Variants in CA10 observed in about 807,000 individuals in gnomAD.
The protein encoded by CA10 is carbonic anhydrase-related protein 10.
In CA10, 14 loss-of-function variants were observed where a neutral mutation model predicts 44.2. That is an observed-to-expected ratio of 0.32 (90% CI 0.21 to 0.50). The LOEUF is 0.50. CA10 is among the 20% of genes least tolerant of loss of function. CA10 has a pLI of 0.99. For missense variants in CA10, 350 were observed against 409.7 expected, an observed-to-expected ratio of 0.85 and a Z score of 1.26; for synonymous variants, 159 against 141.6, an observed-to-expected ratio of 1.12 and a Z score of -0.87.
At chr17:51,887,845 A>ATT (rs1980680520) in intron 3 of CA10, among the ~76,000 whole-genome samples, 4 of 117,906 alleles carry the variant, frequency 3.4e-5, no homozygotes, top group African/African-American at 1.6e-4. Context: ...TAAAAATACA[A>ATT]AAAAAAAAAG....
intron 4 of CA10, among the ~76,000 whole-genome samples, chr17:51,728,892 G>C (rs1598013028): frequency 6.6e-6 from 1 of 152,130 alleles, no homozygotes; most frequent in South Asian, 2.1e-4. Context: ...TTTGAGCAGA[G>C]AATCAAAACT....
At chr17:51,929,224 A>AT (rs35856839) in intron 3 of CA10, among the ~76,000 whole-genome samples, 102,756 of 151,946 alleles carry the variant, frequency 0.68, 35,102 homozygotes, top group Non-Finnish European at 0.71. Flanking sequence ...CTGTGTTGAC[A>AT]TTTTTTTCTT....
At chr17:51,718,508 A>C (rs1197609215) in intron 4 of CA10, among the ~76,000 whole-genome samples, 1 of 152,096 alleles carries the variant, frequency 6.6e-6, no homozygotes, top group Non-Finnish European at 1.5e-5. Context: ...ACCCTTCCCC[A>C]TACCTTGCCC....
At chr17:51,793,288 G>A (rs1387035736) in intron 3 of CA10, among the ~76,000 whole-genome samples, 1 of 152,084 alleles carries the variant, frequency 6.6e-6, no homozygotes, top group Non-Finnish European at 1.5e-5. Context: ...ATGGCCATTG[G>A]GGGAAAAAAT....
intron 3 of CA10, among the ~76,000 whole-genome samples, chr17:51,845,934 A>G (rs1031287526): frequency 6.6e-6 from 1 of 152,244 alleles, no homozygotes; most frequent in Non-Finnish European, 1.5e-5. Flanking sequence ...TAACATTGGC[A>G]TTCTACCCAG....
intron 4 of CA10, among the ~76,000 whole-genome samples, chr17:51,705,968 G>T (rs1411882311): frequency 6.6e-6 from 1 of 152,188 alleles, no homozygotes; most frequent in Non-Finnish European, 1.5e-5. Flanking sequence ...ATCCATAATT[G>T]TTCCTGAGTG....
At position 51,808,259 on chromosome 17, in the gene CA10, T is replaced by TA. The variant is rs144949027; in HGVS notation, c.280-60442dup. On this transcript the variant is annotated intron_variant, in intron 3 of 8. Coordinates refer to ENST00000451037, the MANE Select transcript of CA10 (RefSeq NM_020178.5). ...GTTAATTACAGTCATCAAGATTTTG[T>TA]ATTGCAATAAATGTTTATCTAATGG... is the stretch of plus-strand genomic sequence containing the variant. 1.0e-2 allele frequency among the ~76,000 whole-genome samples: 1,519 copies of TA among 152,342 alleles called. 11 individuals are homozygous for TA. Among genetic ancestry groups the TA allele is most frequent in the Non-Finnish European group, 0.015 (994 of 68,044 alleles).
intron 3 of CA10, among the ~76,000 whole-genome samples, chr17:51,901,274 T>C (rs1487949641): frequency 6.6e-6 from 1 of 152,130 alleles, no homozygotes; most frequent in Admixed American, 6.5e-5. Context: ...TGGAATATTT[T>C]AGGGGGCAAA....
intron 4 of CA10, among the ~76,000 whole-genome samples, chr17:51,654,554 CCTAATTTTTTTTTT>C (rs1913713701): frequency 7.6e-6 from 1 of 130,860 alleles, no homozygotes; most frequent in African/African-American, 2.6e-5. Context: ...AGTATGGAAG[CCTAATTTTTTTTTT>C]TTTTTTAAGT....
At chr17:51,652,965 TTC>T (rs1253038047) in intron 5 of CA10, among the ~76,000 whole-genome samples, 1 of 152,188 alleles carries the variant, frequency 6.6e-6, no homozygotes, top group East Asian at 1.9e-4. Flanking sequence ...GCATACCTGC[TTC>T]TCTCTACATC....
intron 3 of CA10, among the ~76,000 whole-genome samples, chr17:51,868,733 A>G (rs1979665530): frequency 6.6e-6 from 1 of 152,076 alleles, no homozygotes; most frequent in Admixed American, 6.6e-5. Flanking sequence ...TCCTTTACAA[A>G]TAACACTTAT....
At chr17:51,737,876 A>G (rs1916964458) in intron 4 of CA10, among the ~76,000 whole-genome samples, 1 of 152,150 alleles carries the variant, frequency 6.6e-6, no homozygotes, top group South Asian at 2.1e-4. Context: ...TACTGCAGAG[A>G]TGGGGATAGA....
At chr17:51,640,245 C>A (rs1276902873) in intron 6 of CA10, among the ~76,000 whole-genome samples, 1 of 152,174 alleles carries the variant, frequency 6.6e-6, no homozygotes, top group Non-Finnish European at 1.5e-5. Flanking sequence ...CTCAGCAGCT[C>A]TACCTGCTGG....
In CA10 at chr17:51,973,918, T is replaced by C. The variant is rs1460820961; in HGVS notation, c.137-42786A>G. On this transcript the variant is annotated intron_variant, in intron 2 of 8. Coordinates refer to ENST00000451037, the MANE Select transcript of CA10 (RefSeq NM_020178.5). ...ACAGATGTGGATAAGACTGATGCTG[T>C]AATTAGCAGATAAAGATTATAAAAG... Among the ~76,000 whole-genome samples, 6 of 152,194 alleles carry C rather than the reference T, an allele frequency of 3.9e-5. No homozygotes were observed. The South Asian group carries it at 1.2e-3, about 32-fold the overall frequency.
At chr17:51,747,460 G>A (rs1022335311) in intron 4 of CA10, among the ~76,000 whole-genome samples, 173 bp downstream of exon 4, 2 of 152,214 alleles carry the variant, frequency 1.3e-5, no homozygotes, top group Non-Finnish European at 2.9e-5. Flanking sequence ...CTAGAAGCTT[G>A]TTATTGACTT....
chr17:51,805,721 A>G (rs992665672), intron 3 of CA10, among the ~76,000 whole-genome samples: 2 of 152,210 alleles, frequency 1.3e-5, no homozygotes, highest in Non-Finnish European at 2.9e-5. Context: ...CAGTTTTAGA[A>G]CATTTCCATC....
At chr17:52,052,932 TGA>T (rs947800063) in intron 2 of CA10, among the ~76,000 whole-genome samples, 10 of 151,832 alleles carry the variant, frequency 6.6e-5, no homozygotes, top group African/African-American at 2.2e-4. Flanking sequence ...TGTGTGTGTG[TGA>T]GAGAGAGAGT....
chr17:51,854,634 G>T (rs1044016346), intron 3 of CA10, among the ~76,000 whole-genome samples: 1 of 152,098 alleles, frequency 6.6e-6, no homozygotes, highest in Non-Finnish European at 1.5e-5. Context: ...GAGGGTCCCT[G>T]GAAGGCAGAG....
At chr17:51,638,849 G>C (rs1486941942) in intron 6 of CA10, among the ~76,000 whole-genome samples, 1 of 152,180 alleles carries the variant, frequency 6.6e-6, no homozygotes, top group Non-Finnish European at 1.5e-5. Flanking sequence ...TTGTAGCTGG[G>C]AATCGGGTAG....
Sources: gnomAD v4.1 joint callset for allele counts (sites outside exome capture counted in the v4.1 genomes callset) on GRCh38, gnomAD v4.1.1 for gene constraint, MANE v1.5 for transcripts, NCBI Gene and HGNC (gene_info 2026-07-23, HGNC 2026-07-21) for gene names.